The following EVI5 variants were observed in gnomAD, a reference collection of about 807,000 sequenced individuals.
EVI5 encodes ecotropic viral integration site 5.
EVI5 carries 73 observed loss-of-function variants against 112.0 expected under a neutral mutation model. The ratio of observed to expected loss-of-function variants is 0.65; its 90% CI spans 0.54 to 0.79. The LOEUF (loss-of-function observed/expected upper bound fraction) is 0.79, where lower values mean the gene tolerates loss of function less well. Among genes scored for constraint, EVI5 ranks in the 30% least tolerant of loss-of-function variants. The pLI, the probability that EVI5 is intolerant of heterozygous loss-of-function variation, is 0.00. For synonymous variants in EVI5, 305 were observed against 319.9 expected, an observed-to-expected ratio of 0.95 and a Z score of 0.50; for missense variants, 900 against 968.8, an observed-to-expected ratio of 0.93 and a Z score of 0.94.
At chr1:92,564,888 C>T (rs1248106024) in intron 18 of EVI5, among the ~76,000 whole-genome samples, 1 of 152,068 alleles carries the variant, frequency 6.6e-6, no homozygotes, top group African/African-American at 2.4e-5. Context: ...CCATGTTGGC[C>T]AGGCTGGTTT....
chr1:92,547,099 T>G (rs138913044), intron 19 of EVI5, among the ~76,000 whole-genome samples: 3,103 of 152,284 alleles, frequency 0.02, 117 homozygotes, highest in African/African-American at 0.07. Flanking sequence ...TAGTTGGAAC[T>G]AAAGCACTCC....
At chr1:92,644,518 T>C (rs920947411) in intron 13 of EVI5, among the ~76,000 whole-genome samples, 1 of 152,182 alleles carries the variant, frequency 6.6e-6, no homozygotes, top group Non-Finnish European at 1.5e-5. Flanking sequence ...TCTACACTTT[T>C]TATTATTTGT....
intron 18 of EVI5, among the ~76,000 whole-genome samples, chr1:92,575,500 T>A (rs1402822651): frequency 1.3e-5 from 2 of 151,728 alleles, no homozygotes; most frequent in Non-Finnish European, 2.9e-5. Context: ...CCAAGGTTCA[T>A]GGTTACATTT....
intron 10 of EVI5, among the ~76,000 whole-genome samples, chr1:92,673,321 C>A (rs1171896119): frequency 6.6e-6 from 1 of 151,048 alleles, no homozygotes; most frequent in Non-Finnish European, 1.5e-5. Flanking sequence ...TGACTAAAAA[C>A]TGGCCAGAAT....
intron 1 of EVI5, chr1:92,773,869 A>T (rs1683767339): frequency 6.6e-6 from 1 of 151,992 alleles, no homozygotes. Flanking sequence ...TATGAGAAAA[A>T]AAAATTTTTT....
At chr1:92,730,945 T>C (rs999379039) in intron 2 of EVI5, among the ~76,000 whole-genome samples, 5 of 152,056 alleles carry the variant, frequency 3.3e-5, no homozygotes, top group African/African-American at 9.7e-5. Flanking sequence ...GCAAATCTAA[T>C]GGAATCTAGA....
At position 92,663,419 on chromosome 1, in the gene EVI5, C is replaced by T. The variant is rs1664359891; in HGVS notation, c.1245+1G>A. 3 of 1,418,336 alleles carry T rather than the reference C, an allele frequency of 2.1e-6. No homozygotes were observed. Among genetic ancestry groups the T allele is most frequent in the African/African-American group, 1.4e-5 (1 of 69,522 alleles). 87.9% of individuals were successfully genotyped at this position (1,418,336 alleles called of 1,614,324 possible). A position where few individuals can be genotyped will look rare whatever the true frequency, so the allele number is the denominator to read the frequency against. On this transcript the variant is annotated splice_donor_variant, in intron 12 of 19. Coordinates refer to ENST00000684568, the MANE Select transcript of EVI5 (RefSeq NM_001350197.2). LOFTEE classifies it high-confidence loss of function. ...AAACTAAAACAAAACAAAAACTATA[C>T]CTGTATCAATCTATCTGCCAAGGAA...
At chr1:92,638,831 G>A (rs1659395155) in intron 13 of EVI5, among the ~76,000 whole-genome samples, 1 of 151,938 alleles carries the variant, frequency 6.6e-6, no homozygotes, top group Non-Finnish European at 1.5e-5. Flanking sequence ...AGGTGTTGAA[G>A]AGTTTAATAT....
At chr1:92,715,045 A>G (rs6673043) in intron 2 of EVI5, among the ~76,000 whole-genome samples, 142,805 of 151,958 alleles carry the variant, frequency 0.94, 67,220 homozygotes, top group East Asian at 1. Context: ...TCACTCTGTC[A>G]CCCACGATGG....
upstream of EVI5, among the ~76,000 whole-genome samples, chr1:92,789,257 A>G (rs1338800271): frequency 6.6e-6 from 1 of 151,404 alleles, no homozygotes; most frequent in Non-Finnish European, 1.5e-5. Context: ...GGGTCTCACT[A>G]TGTTGCTCAG....
At chr1:92,660,210 T>A (rs1166140244) in intron 13 of EVI5, among the ~76,000 whole-genome samples, 1 of 151,916 alleles carries the variant, frequency 6.6e-6, no homozygotes, top group Admixed American at 6.6e-5. Context: ...TGCACTTGGA[T>A]CCCCTAAATG....
At chr1:92,624,142 T>C in intron 16 of EVI5, 34 bp downstream of exon 16, 4 of 1,566,212 alleles carry the variant, frequency 2.6e-6, no homozygotes, top group Non-Finnish European at 3.5e-6. Context: ...CAGCTAATGA[T>C]ACTTTTTAAA....
chr1:92,554,069 A>C (rs1271164365), intron 19 of EVI5, among the ~76,000 whole-genome samples: 1 of 152,252 alleles, frequency 6.6e-6, no homozygotes, highest in African/African-American at 2.4e-5. Context: ...TTTAAAAGCT[A>C]CAATGCTAGT....
At chr1:92,661,293 A>C (rs1449772271) in intron 13 of EVI5, among the ~76,000 whole-genome samples, 1 of 152,130 alleles carries the variant, frequency 6.6e-6, no homozygotes, top group Admixed American at 6.5e-5. Context: ...ACAGATGTTC[A>C]CTTTCTAGCC....
At chr1:92,746,710 G>A (rs537075601) in intron 1 of EVI5, among the ~76,000 whole-genome samples, 16 of 152,182 alleles carry the variant, frequency 1.1e-4, no homozygotes, top group Admixed American at 1.0e-3. Context: ...CTGGGCAATA[G>A]AGCGAGACCC....
At chr1:92,572,496 C>T (rs1004150989) in intron 18 of EVI5, among the ~76,000 whole-genome samples, 6 of 152,140 alleles carry the variant, frequency 3.9e-5, no homozygotes, top group East Asian at 3.8e-4. Context: ...CTGGTCTACA[C>T]TGCACTTCAT....
At chr1:92,733,707 CG>C (rs1676873324) in intron 2 of EVI5, among the ~76,000 whole-genome samples, 1 of 152,064 alleles carries the variant, frequency 6.6e-6, no homozygotes, top group Non-Finnish European at 1.5e-5. Context: ...ACACAGCACC[CG>C]GTCTACATTA....
chr1:92,534,088 G>A (rs1663376324), intron 19 of EVI5, among the ~76,000 whole-genome samples: 1 of 152,112 alleles, frequency 6.6e-6, no homozygotes, highest in African/African-American at 2.4e-5. Flanking sequence ...GAAGTCTGAG[G>A]ATACAAAATC....
At chr1:92,697,093 C>T (rs1003500093) in intron 6 of EVI5, among the ~76,000 whole-genome samples, 1 of 151,952 alleles carries the variant, frequency 6.6e-6, no homozygotes, top group Non-Finnish European at 1.5e-5. Context: ...TTTTACATAT[C>T]CCCTTGCTCC....
Sources: allele counts gnomAD v4.1 joint callset (sites outside exome capture counted in the v4.1 genomes callset), GRCh38; gene constraint gnomAD v4.1.1; transcripts MANE v1.5; gene names NCBI Gene and HGNC (gene_info 2026-07-23, HGNC 2026-07-21).